Variants in EPG5 observed in about 807,000 individuals in gnomAD.
EPG5 encodes the protein ectopic P granules protein 5 homolog.
In EPG5, 159 loss-of-function variants were observed where a neutral mutation model predicts 302.7. The observed-to-expected ratio is 0.53, with a 90% CI of 0.46 to 0.60. EPG5 has a LOEUF of 0.60. EPG5 is among the 20% of genes least tolerant of loss of function. The pLI, the probability that EPG5 is intolerant of heterozygous loss-of-function variation, is 0.00. For missense variants in EPG5, 2,896 were observed against 3,092.4 expected (o/e 0.94, Z 1.51); for synonymous variants, 1,158 against 1,136.8 (o/e 1.02, Z -0.37).
At chr18:45,893,957 G>C (rs1568128974) in intron 27 of EPG5, among the ~76,000 whole-genome samples, 1 of 152,134 alleles carries the variant, frequency 6.6e-6, no homozygotes, top group East Asian at 1.9e-4. Flanking sequence ...ATCTAGAGCT[G>C]TTCATTCCTT....
intron 39 of EPG5, 91 bp downstream of exon 39, chr18:45,865,524 T>C: frequency 7.4e-7 from 1 of 1,346,408 alleles, no homozygotes. Context: ...GGAGTGCCAG[T>C]GTCCTGAACA....
At chr18:45,810,589 T>C in the EPG5 span, among the ~76,000 whole-genome samples, 2 of 152,134 alleles carry the variant, frequency 1.3e-5, no homozygotes, top group African/African-American at 4.8e-5. Context: ...AAGGCTAGCC[T>C]GGCTAACATG....
chr18:45,819,077 G>A, the EPG5 span, among the ~76,000 whole-genome samples: 11 of 152,012 alleles, frequency 7.2e-5, no homozygotes, highest in African/African-American at 2.7e-4. Context: ...TTTTTAAGAG[G>A]TCAAATTTAT....
rs1416055166 is a variant in EPG5, at chr18:45,949,597, C to T, written c.1390-6G>A. 2.6e-6 allele frequency: 4 copies of T among 1,556,338 alleles called. No homozygotes were observed. The highest frequency in any genetic ancestry group is 3.5e-6 in the Non-Finnish European group (4 of 1,129,622). ...ACTCTTTGTAGCACGGATACCTGAA[C>T]AATAAAGGTCATATGATCTCACTAT... On this transcript the variant is annotated splice_region_variant and splice_polypyrimidine_tract_variant and intron_variant, in intron 4 of 43. Coordinates refer to ENST00000282041, the MANE Select transcript of EPG5 (RefSeq NM_020964.3).
In EPG5 at chr18:45,860,282, C is replaced by T. The variant is rs1022692220; in HGVS notation, c.6831G>A (p.Met2277Ile). The T allele has an allele frequency of 2.5e-6, 4 of 1,614,194 alleles. No homozygotes were observed. Among genetic ancestry groups the T allele is most frequent in the South Asian group, 1.1e-5 (1 of 91,068 alleles). ...CTGCTGTTGGAATAGTCGCGTTGTT[C>T]ATCATCATCAGGACTTCCATAAAGA... ...SSLFMEVLMM[M>I]NNATIPTAEF... The change falls in exon 40 of 44, where the codon ATG (methionine) becomes ATA (isoleucine). Residue 2277 changes from methionine (M) to isoleucine (I), a missense_variant. This residue lies in a region of EPG5 where 620 missense variants were observed against 704.2 expected (regional missense o/e 0.88). Coordinates refer to ENST00000282041, the MANE Select transcript of EPG5 (RefSeq NM_020964.3).
intron 16 of EPG5, among the ~76,000 whole-genome samples, chr18:45,922,086 C>T (rs2050166688): frequency 6.6e-6 from 1 of 151,778 alleles, no homozygotes; most frequent in African/African-American, 2.4e-5. Flanking sequence ...CTACTGCTGA[C>T]ACGAACATTC....
chr18:45,911,110 C>T (rs12960842), intron 22 of EPG5, among the ~76,000 whole-genome samples: 76,418 of 127,204 alleles, frequency 0.6, 22,408 homozygotes, highest in African/African-American at 0.63. Context: ...CACACACACA[C>T]ATATATATAT....
At chr18:45,876,782 T>C (rs2048978964) in intron 34 of EPG5, among the ~76,000 whole-genome samples, 1 of 150,142 alleles carries the variant, frequency 6.7e-6, no homozygotes, top group Admixed American at 6.6e-5. Context: ...AATGAGCAAA[T>C]AAAATTTTTT....
chr18:45,869,435 G>A (rs771612839), intron 36 of EPG5, among the ~76,000 whole-genome samples: 4 of 152,176 alleles, frequency 2.6e-5, no homozygotes, highest in Non-Finnish European at 5.9e-5. Context: ...AGCTTCTGGG[G>A]TGGTCAGGGT....
chr18:45,928,769 C>G, intron 13 of EPG5, 100 bp downstream of exon 13: 2 of 1,149,782 alleles, frequency 1.7e-6, no homozygotes, highest in Non-Finnish European at 2.5e-6. Context: ...TGTTTATACC[C>G]CTAGTGACAA....
the EPG5 span, chr18:45,842,557 T>C: frequency 4.7e-6 from 1 of 213,142 alleles, no homozygotes; most frequent in Non-Finnish European, 9.5e-6. Flanking sequence ...GGAAACTGTT[T>C]ACAGGGCCTG....
At chr18:45,935,582 T>C (rs560725847) in intron 10 of EPG5, among the ~76,000 whole-genome samples, 9 of 150,118 alleles carry the variant, frequency 6.0e-5, no homozygotes, top group Middle Eastern at 3.4e-3. Flanking sequence ...TTAGCACCAA[T>C]GCACACAGGC....
At chr18:45,812,988 C>T in the EPG5 span, among the ~76,000 whole-genome samples, 182 of 152,246 alleles carry the variant, frequency 1.2e-3, 1 homozygote, top group Non-Finnish European at 2.3e-3. Context: ...AGGCAACCCA[C>T]AGAATGGGAG....
the EPG5 span, chr18:45,837,992 C>T: frequency 7.3e-7 from 1 of 1,362,584 alleles, no homozygotes; most frequent in Non-Finnish European, 9.4e-7. Context: ...TGTGCTGAGC[C>T]AGGAAGGGCA....
At chr18:45,966,392 AT>A (rs1400330197) in intron 1 of EPG5, among the ~76,000 whole-genome samples, 2 of 151,560 alleles carry the variant, frequency 1.3e-5, no homozygotes, top group South Asian at 2.1e-4. Context: ...AAAAAAAAAA[AT>A]ACATATACAT....
the EPG5 span, among the ~76,000 whole-genome samples, chr18:45,830,583 C>CTTTTTTTTTTT: frequency 7.3e-4 from 71 of 96,730 alleles, 1 homozygote; most frequent in East Asian, 1.1e-3. Flanking sequence ...ATTTTTCTTT[C>CTTTTTTTTTTT]TTTTTTTTTT....
intron 31 of EPG5, 123 bp from the exon 32 acceptor site, chr18:45,880,346 A>T (rs2049070650): frequency 3.1e-6 from 3 of 960,028 alleles, no homozygotes; most frequent in South Asian, 4.5e-5. Context: ...AAACAAACTC[A>T]CAGGGATATC....
At chr18:45,917,301 T>C (rs927830433) in intron 17 of EPG5, among the ~76,000 whole-genome samples, 1 of 152,220 alleles carries the variant, frequency 6.6e-6, no homozygotes, top group Non-Finnish European at 1.5e-5. Context: ...AACACTGCAC[T>C]ATGTGCACTG....
intron 39 of EPG5, among the ~76,000 whole-genome samples, chr18:45,861,870 GTTA>G (rs2048643763): frequency 1.3e-5 from 2 of 151,970 alleles, no homozygotes; most frequent in African/African-American, 2.4e-5. Flanking sequence ...GTCATTCACA[GTTA>G]TTATAATTAA....
Sources: gnomAD v4.1 joint callset for allele counts (sites outside exome capture counted in the v4.1 genomes callset) on GRCh38, gnomAD v4.1.1 for gene constraint, gnomAD v4.1.1 regional missense constraint, MANE v1.5 for transcripts, NCBI Gene and HGNC (gene_info 2026-07-23, HGNC 2026-07-21) for gene names.